ROCK1: variants seen among roughly 807,000 people sequenced by gnomAD.
ROCK1 encodes the protein rho-associated protein kinase 1.
A neutral mutation model predicts 196.8 loss-of-function variants in ROCK1; 36 were observed. The ratio of observed to expected loss-of-function variants is 0.18; its 90% CI spans 0.14 to 0.24. The LOEUF is 0.24. Among genes scored for constraint, ROCK1 ranks in the 10% least tolerant of loss-of-function variants. The probability of loss-of-function intolerance (pLI) is 1.00; values close to 1 mark genes in which losing one functional copy is unlikely to be tolerated. For missense variants in ROCK1, 920 were observed against 1,562.0 expected (o/e 0.59, Z 6.93); for synonymous variants, 443 against 515.9 (o/e 0.86, Z 1.91).
At chr18:21,099,452 C>G (rs2036639790) in intron 1 of ROCK1, among the ~76,000 whole-genome samples, 1 of 151,994 alleles carries the variant, frequency 6.6e-6, no homozygotes, top group Non-Finnish European at 1.5e-5. Flanking sequence ...ACTTTTAAAC[C>G]ACGTAAATGG....
intron 1 of ROCK1, among the ~76,000 whole-genome samples, chr18:21,079,008 G>C (rs1003876774): frequency 1.3e-5 from 2 of 152,126 alleles, no homozygotes; most frequent in Non-Finnish European, 2.9e-5. Context: ...AGAGAAGTGT[G>C]CTTTATTAGT....
chr18:21,030,712 A>G (rs2035998332), intron 9 of ROCK1, among the ~76,000 whole-genome samples: 1 of 152,240 alleles, frequency 6.6e-6, no homozygotes, highest in Non-Finnish European at 1.5e-5. Flanking sequence ...AACTAATAAG[A>G]ATAAAGATAA....
intron 22 of ROCK1, among the ~76,000 whole-genome samples, chr18:20,971,641 G>C (rs1353248317): frequency 6.7e-6 from 1 of 150,012 alleles, no homozygotes. Flanking sequence ...GGAGGCTGAG[G>C]TGACAGTGCA....
In ROCK1 at chr18:21,002,702, C is replaced by T. The variant is rs73959767; in HGVS notation, c.1885+3649G>A. Among the ~76,000 whole-genome samples the T allele has an allele frequency of 1.0e-2, 1,521 of 152,160 alleles. 30 individuals are homozygous for T. Among genetic ancestry groups the T allele is most frequent in the African/African-American group, 0.035 (1,432 of 41,494 alleles). ...AATGATCATCAATGGCTACTAACAC[C>T]ACAAAAAGATACAGCCAGACTTTAT... is the stretch of plus-strand genomic sequence containing the variant. On this transcript the variant is annotated intron_variant, in intron 16 of 32. Transcript: ENST00000399799.
Position 21,100,355 on chromosome 18 carries a change from G to C in ROCK1, c.93+10463C>G, listed in dbSNP as rs530761197. 7.0e-4 allele frequency among the ~76,000 whole-genome samples: 106 copies of C among 150,982 alleles called. No individual in the cohort carries two copies. In the Middle Eastern group the frequency reaches 0.01, roughly 15 times the overall value. Reference sequence around the variant, plus strand: ...GGAGGAATGGCTGATTTCCAAGTCTGAGGCAAGAAATGTACAAGATGAGCC... The same window carrying C: ...GGAGGAATGGCTGATTTCCAAGTCTCAGGCAAGAAATGTACAAGATGAGCC... On this transcript the variant is annotated intron_variant, in intron 1 of 32. Coordinates refer to ENST00000399799, the MANE Select transcript of ROCK1 (RefSeq NM_005406.3).
At chr18:21,078,762 T>A (rs1003869987) in intron 1 of ROCK1, among the ~76,000 whole-genome samples, 6 of 152,194 alleles carry the variant, frequency 3.9e-5, no homozygotes, top group African/African-American at 1.4e-4. Flanking sequence ...TTCAGGACTT[T>A]ACAAGCTTGT....
chr18:20,996,472 C>A (rs1365979158), intron 16 of ROCK1, among the ~76,000 whole-genome samples: 1 of 152,080 alleles, frequency 6.6e-6, no homozygotes, highest in South Asian at 2.1e-4. Flanking sequence ...AAAGAGCAGG[C>A]AGAAAGAGAG....
intron 20 of ROCK1, 152 bp downstream of exon 20, chr18:20,984,199 C>T: frequency 5.1e-6 from 3 of 590,630 alleles, no homozygotes; most frequent in Non-Finnish European, 5.6e-6. Context: ...CCCTGAAAAC[C>T]TTTGCAAGTA....
chr18:20,985,311 G>C (rs938420917), intron 19 of ROCK1, among the ~76,000 whole-genome samples: 1 of 152,154 alleles, frequency 6.6e-6, no homozygotes, highest in Non-Finnish European at 1.5e-5. Flanking sequence ...TTCATGATCT[G>C]TTCTAATTCT....
chr18:20,953,855 CAT>C, intron 31 of ROCK1, 70 bp from the exon 32 acceptor site: 2 of 640,496 alleles, frequency 3.1e-6, no homozygotes, highest in South Asian at 2.4e-5. Flanking sequence ...CTATCAAATG[CAT>C]AGTTTTTCAA....
intron 1 of ROCK1, among the ~76,000 whole-genome samples, chr18:21,090,694 GAAAC>G (rs1348568506): frequency 6.6e-6 from 1 of 152,116 alleles, no homozygotes; most frequent in African/African-American, 2.4e-5. Context: ...TCTTGTTACA[GAAAC>G]AAATAAGCAA....
intron 1 of ROCK1, among the ~76,000 whole-genome samples, chr18:21,074,728 G>A (rs930564786): frequency 4.6e-5 from 7 of 152,072 alleles, no homozygotes; most frequent in Non-Finnish European, 7.4e-5. Context: ...CTCTTCTGCA[G>A]GAAAGCAGAA....
chr18:21,068,112 G>A (rs1387388529), intron 2 of ROCK1, among the ~76,000 whole-genome samples: 2 of 152,174 alleles, frequency 1.3e-5, no homozygotes, highest in African/African-American at 4.8e-5. Context: ...AATGGTTTGT[G>A]TTATTTGTGT....
At chr18:21,062,085 C>T (rs1220705770) in intron 2 of ROCK1, among the ~76,000 whole-genome samples, 2 of 152,106 alleles carry the variant, frequency 1.3e-5, no homozygotes, top group Admixed American at 6.5e-5. Flanking sequence ...CTAGCTATGG[C>T]AGCTGAGAGG....
chr18:21,107,601 G>C (rs889652582), intron 1 of ROCK1, among the ~76,000 whole-genome samples: 7 of 152,120 alleles, frequency 4.6e-5, no homozygotes, highest in African/African-American at 1.7e-4. Context: ...AACAAGAACA[G>C]ACTCACTGAA....
At chr18:20,975,315 T>C (rs138611963) in intron 22 of ROCK1, among the ~76,000 whole-genome samples, 22 of 152,320 alleles carry the variant, frequency 1.4e-4, no homozygotes, top group East Asian at 1.9e-4. Context: ...ATGTAGATAC[T>C]TGGAGGAAAC....
intron 2 of ROCK1, among the ~76,000 whole-genome samples, chr18:21,054,408 T>C (rs1053288388): frequency 1.3e-5 from 2 of 152,152 alleles, no homozygotes; most frequent in African/African-American, 2.4e-5. Context: ...TGGGCTGTAG[T>C]TCACCAACTC....
At chr18:21,004,294 T>C (rs1242876173) in intron 16 of ROCK1, among the ~76,000 whole-genome samples, 1 of 152,186 alleles carries the variant, frequency 6.6e-6, no homozygotes, top group African/African-American at 2.4e-5. Context: ...ATCAAGACTC[T>C]GCCAGAAGCC....
chr18:20,959,087 T>TATAATATATATATTA (rs1568367376), intron 29 of ROCK1, among the ~76,000 whole-genome samples: 1 of 30,320 alleles, frequency 3.3e-5, no homozygotes, highest in African/African-American at 1.9e-4. Context: ...TATATATATT[T>TATAATATATATATTA]TATATAATAT....
Sources: allele counts gnomAD v4.1 joint callset (sites outside exome capture counted in the v4.1 genomes callset), GRCh38; gene constraint gnomAD v4.1.1; transcripts MANE v1.5; gene names NCBI Gene and HGNC (gene_info 2026-07-23, HGNC 2026-07-21).